ATP6V1B2: variants seen among roughly 807,000 people sequenced by gnomAD.
The protein encoded by ATP6V1B2 is V-type proton ATPase subunit B, brain isoform.
A neutral mutation model predicts 66.7 loss-of-function variants in ATP6V1B2; 23 were observed. The observed-to-expected ratio is 0.34, with a 90% CI of 0.25 to 0.49. ATP6V1B2 has a LOEUF of 0.49. ATP6V1B2 is among the 20% of genes least tolerant of loss of function. The probability of loss-of-function intolerance (pLI) is 0.99; values close to 1 mark genes in which losing one functional copy is unlikely to be tolerated. For missense variants in ATP6V1B2, 478 were observed against 650.8 expected (o/e 0.73, Z 2.89); for synonymous variants, 278 against 236.7 (o/e 1.17, Z -1.60).
intron 10 of ATP6V1B2, 161 bp downstream of exon 10, chr8:20,215,129 GTTA>G: frequency 3.6e-6 from 3 of 835,732 alleles, no homozygotes; most frequent in Non-Finnish European, 5.1e-6. Flanking sequence ...ATTACCCACA[GTTA>G]TTATCCTATT....
chr8:20,212,992 T>A (rs914804264), intron 9 of ATP6V1B2, 87 bp downstream of exon 9: 1 of 1,547,556 alleles, frequency 6.5e-7, no homozygotes, highest in South Asian at 1.2e-5. Flanking sequence ...TCATTCTTTA[T>A]GGTTTTTTAA....
At chr8:20,215,953 A>C (rs1435642911) in intron 10 of ATP6V1B2, 2 of 153,300 alleles carry the variant, frequency 1.3e-5, no homozygotes, top group Non-Finnish European at 2.9e-5. Flanking sequence ...GCAAATTTCT[A>C]TAAGGGAACT....
chr8:20,203,658 G>C (rs1158068967), intron 1 of ATP6V1B2, among the ~76,000 whole-genome samples: 2 of 152,136 alleles, frequency 1.3e-5, no homozygotes, highest in East Asian at 1.9e-4. Flanking sequence ...GTGTCTGGTA[G>C]AATTACTCTC....
At chr8:20,216,996 A>G in intron 11 of ATP6V1B2, 1 of 529,772 alleles carries the variant, frequency 1.9e-6, no homozygotes, top group Non-Finnish European at 3.4e-6. Context: ...AGTGTTATAG[A>G]TGACACTTTT....
Position 20,221,340 on chromosome 8 carries a change from C to T in ATP6V1B2, c.*938C>T, listed in dbSNP as rs1279353916. ...TTAGAGAGCAGCCTTTGAAAATCCCCAATTTGGTTCTGCTTTTTGACCTCT... is the reference window on the plus strand; with the variant it reads ...TTAGAGAGCAGCCTTTGAAAATCCCTAATTTGGTTCTGCTTTTTGACCTCT... On this transcript the variant is annotated 3_prime_UTR_variant, in exon 14 of 14. Transcript: ENST00000276390. The T allele has an allele frequency of 1.3e-5, 2 of 152,430 alleles. No individual in the cohort carries two copies. The highest frequency in any genetic ancestry group is 3.9e-4 in the East Asian group (2 of 5,188). The allele number at this position is 152,430 out of a possible 1,614,324, so 9.4% of individuals were successfully genotyped here.
intron 2 of ATP6V1B2, among the ~76,000 whole-genome samples, chr8:20,205,727 A>T (rs557859798): frequency 6.6e-6 from 1 of 152,222 alleles, no homozygotes; most frequent in African/African-American, 2.4e-5. Context: ...ATAGAAGAAG[A>T]TGAAGCACTG....
chr8:20,199,300 C>T (rs1389939978), intron 1 of ATP6V1B2, among the ~76,000 whole-genome samples: 1 of 152,300 alleles, frequency 6.6e-6, no homozygotes, highest in South Asian at 2.1e-4. Context: ...TCCCCACTGC[C>T]TAGCACAGTG....
chr8:20,213,175 C>T (rs1321047170), intron 9 of ATP6V1B2: 2 of 385,350 alleles, frequency 5.2e-6, no homozygotes, highest in African/African-American at 4.3e-5. Flanking sequence ...GTAAATAATT[C>T]AAGCTGTTTA....
rs1026641226 is a variant in ATP6V1B2 at position 20,220,566 on chromosome 8, A to T, written c.*164A>T. The T allele has an allele frequency of 4.9e-6, 5 of 1,016,280 alleles. No homozygotes were observed. In the African/African-American group the frequency reaches 6.7e-5, roughly 14 times the overall value. The allele number at this position is 1,016,280 out of a possible 1,614,324, so 63.0% of individuals were successfully genotyped here. A position where few individuals can be genotyped will look rare whatever the true frequency, so the allele number is the denominator to read the frequency against. ...TTGTGCCAGTGTTGCAACGTTTTAA[A>T]CTGCTAACAGACCTTAAAATATCCC... On this transcript the variant is annotated 3_prime_UTR_variant, in exon 14 of 14. Transcript: ENST00000276390.
At chr8:20,205,145 T>A (rs1035369780) in intron 2 of ATP6V1B2, among the ~76,000 whole-genome samples, 2 of 152,222 alleles carry the variant, frequency 1.3e-5, no homozygotes, top group African/African-American at 4.8e-5. Context: ...TACAGCCTCC[T>A]CTTTTGTTTT....
At chr8:20,211,778 T>C in intron 7 of ATP6V1B2, 25 bp downstream of exon 7, 1 of 1,558,146 alleles carries the variant, frequency 6.4e-7, no homozygotes, top group Non-Finnish European at 8.8e-7. Context: ...TGTTTTAGTA[T>C]GATATGTAAA....
chr8:20,202,329 G>T (rs996049818), intron 1 of ATP6V1B2, among the ~76,000 whole-genome samples: 22 of 152,152 alleles, frequency 1.4e-4, no homozygotes, highest in African/African-American at 5.3e-4. Flanking sequence ...CCTTGGGCAA[G>T]ACACAATAAT....
chr8:20,203,816 G>A (rs897583100), intron 1 of ATP6V1B2: 14 of 359,600 alleles, frequency 3.9e-5, no homozygotes, highest in African/African-American at 6.4e-5. Context: ...TAACCTGGCA[G>A]TAACGTTTGA....
At chr8:20,198,553 C>G (rs1245125806) in intron 1 of ATP6V1B2, among the ~76,000 whole-genome samples, 2 of 152,148 alleles carry the variant, frequency 1.3e-5, no homozygotes, top group Non-Finnish European at 1.5e-5. Flanking sequence ...AATGAGCCCT[C>G]GAAATAGACT....
At chr8:20,202,065 A>G (rs1284271640) in intron 1 of ATP6V1B2, among the ~76,000 whole-genome samples, 1 of 152,178 alleles carries the variant, frequency 6.6e-6, no homozygotes, top group African/African-American at 2.4e-5. Flanking sequence ...TAGAGGCCTC[A>G]CCTGTCAGTA....
chr8:20,216,701 T>C, intron 11 of ATP6V1B2: 1 of 454,896 alleles, frequency 2.2e-6, no homozygotes, highest in Non-Finnish European at 3.9e-6. Flanking sequence ...AACACTTTCC[T>C]TTATTGTGTC....
chr8:20,200,000 GT>G (rs2072668962), intron 1 of ATP6V1B2, among the ~76,000 whole-genome samples: 1 of 150,248 alleles, frequency 6.7e-6, no homozygotes, highest in Admixed American at 6.6e-5. Context: ...GTTATTGTGT[GT>G]GTGTGTGTGT....
chr8:20,211,808 A>G, intron 7 of ATP6V1B2, 55 bp downstream of exon 7: 1 of 1,368,992 alleles, frequency 7.3e-7, no homozygotes, highest in African/African-American at 1.5e-5. Flanking sequence ...GTGTCGTGAG[A>G]ACATTGTAGT....
At chr8:20,201,093 A>G (rs1463274805) in intron 1 of ATP6V1B2, among the ~76,000 whole-genome samples, 1 of 152,216 alleles carries the variant, frequency 6.6e-6, no homozygotes, top group Non-Finnish European at 1.5e-5. Flanking sequence ...ATGTTACTTC[A>G]TAAATACTTG....
Sources: allele counts gnomAD v4.1 joint callset (sites outside exome capture counted in the v4.1 genomes callset), GRCh38; gene constraint gnomAD v4.1.1; transcripts MANE v1.5; gene names NCBI Gene and HGNC (gene_info 2026-07-23, HGNC 2026-07-21).